ATXN10: variants seen among roughly 807,000 people sequenced by gnomAD.
ATXN10 encodes the protein ataxin 10.
A neutral mutation model predicts 52.9 loss-of-function variants in ATXN10; 28 were observed. The ratio of observed to expected loss-of-function variants is 0.53; its 90% confidence interval spans 0.39 to 0.73. ATXN10 has a LOEUF of 0.73. Ranked by LOEUF, ATXN10 falls within the 30% of genes least tolerant of loss-of-function variation. ATXN10 has a pLI of 0.00. For synonymous variants in ATXN10, 226 were observed against 221.5 expected (o/e 1.02, Z -0.18); for missense variants, 565 against 577.0 (o/e 0.98, Z 0.21).
rs778750849 is a variant in ATXN10, at chr22:45,696,514, C to A, written c.391+3436C>A. Among the ~76,000 whole-genome samples, 3 of 152,224 alleles carry A rather than the reference C, an allele frequency of 2.0e-5. No individual in the cohort carries two copies. The highest frequency in any genetic ancestry group is 7.2e-5 in the African/African-American group (3 of 41,464). The stretch of plus-strand genomic sequence containing the variant: ...TATTAGAATGGAGCCAGCCCCTCCA[C>A]CATGTGCTGGATTTCATCGCCACTT... On this transcript the variant is annotated intron_variant, in intron 3 of 11. Coordinates refer to ENST00000252934, the MANE Select transcript of ATXN10 (RefSeq NM_013236.4). The surrounding 1 kb of genome is among the most constrained non-coding windows in gnomAD (Gnocchi z 4.7).
intron 9 of ATXN10, among the ~76,000 whole-genome samples, chr22:45,778,969 AG>A (rs920363532): frequency 1.3e-5 from 2 of 152,156 alleles, no homozygotes; most frequent in African/African-American, 2.4e-5. Context: ...AGGATCTAGA[AG>A]CTCCTGATTA....
rs769728092 is a variant in ATXN10, at chr22:45,718,067, A to C, written c.648-346A>C. 6.6e-6 allele frequency among the ~76,000 whole-genome samples: 1 copy of C among 152,178 alleles called. No individual in the cohort carries two copies. The highest frequency in any genetic ancestry group is 2.4e-5 in the African/African-American group (1 of 41,442). ...GTTAGCTTCTGACTAAACCAATTTA[A>C]TATGTTTTTTGTTTATACCTGATCT... On this transcript the variant is annotated intron_variant, in intron 5 of 11. Coordinates refer to ENST00000252934, the MANE Select transcript of ATXN10 (RefSeq NM_013236.4). This position sits in a 1 kb window ranked among gnomAD's most constrained non-coding sequence, Gnocchi z 4.4.
intron 6 of ATXN10, among the ~76,000 whole-genome samples, chr22:45,722,854 A>C (rs1924711631): frequency 1.3e-5 from 2 of 151,676 alleles, no homozygotes; most frequent in African/African-American, 4.9e-5. Context: ...TTTTTTCTTC[A>C]GTTGTAATCC....
chr22:45,800,220 C>T (rs1210778258), intron 9 of ATXN10, among the ~76,000 whole-genome samples: 3 of 152,000 alleles, frequency 2.0e-5, no homozygotes, highest in Non-Finnish European at 2.9e-5. Flanking sequence ...ATTTGCAATA[C>T]ATATATCCGA....
intron 3 of ATXN10, among the ~76,000 whole-genome samples, chr22:45,693,309 A>G (rs1346317926): frequency 1.3e-5 from 2 of 152,218 alleles, no homozygotes; most frequent in Non-Finnish European, 1.5e-5. Context: ...TCCAGTTGCT[A>G]TAACAAAATG....
In ATXN10 at chr22:45,792,868, T is replaced by A; in HGVS notation, c.1174-14091T>A. ...GGTGAAAAACCTTCGACATTTTTAC[T>A]GACTTTGTTAAATTCTTCTAAACTT... On this transcript the variant is annotated intron_variant, in intron 9 of 11. Coordinates refer to ENST00000252934, the MANE Select transcript of ATXN10 (RefSeq NM_013236.4). The A allele has an allele frequency of 1.2e-5, 6 of 508,702 alleles. 1 individual carries two copies. The highest frequency in any genetic ancestry group is 9.4e-5 in the South Asian group (6 of 63,706). The allele number at this position is 508,702 out of a possible 1,614,324, so 31.5% of individuals were successfully genotyped here. A position where few individuals can be genotyped will look rare whatever the true frequency, so the allele number is the denominator to read the frequency against.
chr22:45,709,185 G>T (rs193005852), intron 5 of ATXN10, among the ~76,000 whole-genome samples: 6 of 152,084 alleles, frequency 3.9e-5, no homozygotes, highest in African/African-American at 1.4e-4. Flanking sequence ...TTCTGTTCGC[G>T]CACAACAGCC....
Position 45,841,721 on chromosome 22 carries a change from C to G in ATXN10, c.1238-1270C>G, listed in dbSNP as rs999017781. ...GAGGCTGTTGAATTAGGGAGAGAAA[C>G]TGTTGGACTCATTTTCTTTCCCAAA... On this transcript the variant is annotated intron_variant, in intron 10 of 11. Transcript: ENST00000252934. This position sits in a 1 kb window ranked among gnomAD's most constrained non-coding sequence, Gnocchi z 5.1. 1.3e-5 allele frequency among the ~76,000 whole-genome samples: 2 copies of G among 152,188 alleles called. No homozygotes were observed. Among genetic ancestry groups the G allele is most frequent in the Non-Finnish European group, 2.9e-5 (2 of 68,028 alleles).
chr22:45,782,331 G>A (rs9614516), intron 9 of ATXN10, among the ~76,000 whole-genome samples: 5,220 of 152,294 alleles, frequency 0.034, 135 homozygotes, highest in Non-Finnish European at 0.049. Flanking sequence ...AGAAATGAGT[G>A]CTCGTGTCCA....
chr22:45,830,694 G>GAA (rs571033027), intron 10 of ATXN10, among the ~76,000 whole-genome samples: 7 of 115,574 alleles, frequency 6.1e-5, no homozygotes, highest in Non-Finnish European at 9.3e-5. Flanking sequence ...TACAAAACAA[G>GAA]AAAAAAAAAA....
At position 45,682,439 on chromosome 22, in the gene ATXN10, C is replaced by T. The variant is rs144930378; in HGVS notation, c.117-7273C>T. Among the ~76,000 whole-genome samples, 203 of 152,232 alleles carry T rather than the reference C, an allele frequency of 1.3e-3. 1 individual carries two copies. Among genetic ancestry groups the T allele is most frequent in the African/African-American group, 4.7e-3 (197 of 41,532 alleles). Reference sequence around the variant, plus strand: ...TCTTCCACCCCAGCCTCCCTTGTAGCTGAGACTACAGGCATCCACCACCAC... The same window carrying T: ...TCTTCCACCCCAGCCTCCCTTGTAGTTGAGACTACAGGCATCCACCACCAC... On this transcript the variant is annotated intron_variant, in intron 1 of 11. Coordinates refer to ENST00000252934, the MANE Select transcript of ATXN10 (RefSeq NM_013236.4).
chr22:45,714,759 G>A (rs531922829), intron 5 of ATXN10, among the ~76,000 whole-genome samples: 1 of 152,098 alleles, frequency 6.6e-6, no homozygotes, highest in Non-Finnish European at 1.5e-5. Flanking sequence ...AATGTGTTCC[G>A]TAGTTTTGAT....
chr22:45,717,939 T>C (rs1360872661), intron 5 of ATXN10, among the ~76,000 whole-genome samples: 2 of 152,202 alleles, frequency 1.3e-5, no homozygotes. Flanking sequence ...AGTGCATTGC[T>C]TGACAATGAG....
Position 45,757,299 on chromosome 22 carries a change from G to A in ATXN10, c.1173+16761G>A, listed in dbSNP as rs1926209829. Among the ~76,000 whole-genome samples, 1 of 152,118 alleles carries A rather than the reference G, an allele frequency of 6.6e-6. No individual in the cohort carries two copies. Among genetic ancestry groups the A allele is most frequent in the Non-Finnish European group, 1.5e-5 (1 of 68,014 alleles). ...CAGCTACACCCTCCTCCCTCCCCTA[G>A]CCCCACACAAAACAAAAATGCCTCA... On this transcript the variant is annotated intron_variant, in intron 9 of 11. Coordinates refer to ENST00000252934, the MANE Select transcript of ATXN10 (RefSeq NM_013236.4). The surrounding 1 kb of genome is among the most constrained non-coding windows in gnomAD (Gnocchi z 4.6).
intron 10 of ATXN10, among the ~76,000 whole-genome samples, chr22:45,829,113 G>A (rs1034306062): frequency 1.3e-5 from 2 of 152,030 alleles, no homozygotes; most frequent in African/African-American, 2.4e-5. Flanking sequence ...TAGAATGAAG[G>A]GAAAGAAACA....
rs1479596676 is a variant in ATXN10, at chr22:45,783,394, G to A, written c.1174-23565G>A. Among the ~76,000 whole-genome samples the A allele has an allele frequency of 1.3e-5, 2 of 152,224 alleles. No individual in the cohort carries two copies. Among genetic ancestry groups the A allele is most frequent in the Non-Finnish European group, 2.9e-5 (2 of 68,040 alleles). ...CACGGGTAACTGAAAATTGCAAAAC[G>A]TGAATCCTTGAATGAGGGTACAACT... On this transcript the variant is annotated intron_variant, in intron 9 of 11. Coordinates refer to ENST00000252934, the MANE Select transcript of ATXN10 (RefSeq NM_013236.4). The surrounding 1 kb of genome is among the most constrained non-coding windows in gnomAD (Gnocchi z 5.0).
rs955124366 is a variant in ATXN10 at position 45,789,718 on chromosome 22, G to T, written c.1174-17241G>T. On this transcript the variant is annotated intron_variant, in intron 9 of 11. Transcript: ENST00000252934. This position sits in a 1 kb window ranked among gnomAD's most constrained non-coding sequence, Gnocchi z 4.0. ...GATGTGTTGGGCTTTAGCTTTGGCC[G>T]TTAGGGATGTAGGAGTGTGTCCTTC... is the stretch of plus-strand genomic sequence containing the variant. Among the ~76,000 whole-genome samples, 3 of 152,196 alleles carry T rather than the reference G, an allele frequency of 2.0e-5. No homozygotes were observed. The highest frequency in any genetic ancestry group is 7.2e-5 in the African/African-American group (3 of 41,448).
At position 45,689,856 on chromosome 22, in the gene ATXN10, T is replaced by C. The variant is rs778911347; in HGVS notation, c.261T>C (p.Cys87=). 2.1e-5 allele frequency: 34 copies of C among 1,614,082 alleles called. No individual in the cohort carries two copies. The highest frequency in any genetic ancestry group is 2.7e-5 in the Non-Finnish European group (32 of 1,180,034). The part of the protein sequence containing the change: ...SLQLITECFR[C]LRNACIECSV... ...AGTTAATAACAGAATGCTTCAGGTG[T>C]CTTCGCAATGCTTGCATAGAGTGTT... The change falls in exon 2 of 12, where the codon TGT becomes TGC. Residue 87 remains cysteine (C), a synonymous_variant. Transcript: ENST00000252934.
At chr22:45,797,323 CAG>C (rs1317849687) in intron 9 of ATXN10, among the ~76,000 whole-genome samples, 1 of 152,134 alleles carries the variant, frequency 6.6e-6, no homozygotes, top group Non-Finnish European at 1.5e-5. Context: ...GGGGCCATAA[CAG>C]TGCTCAATAA....
Sources: gnomAD v4.1 joint callset for allele counts (sites outside exome capture counted in the v4.1 genomes callset) on GRCh38, gnomAD v4.1.1 for gene constraint, Gnocchi (gnomAD v3.1) non-coding constraint, MANE v1.5 for transcripts, NCBI Gene and HGNC (gene_info 2026-07-23, HGNC 2026-07-21) for gene names.